MUC5B: variants seen among roughly 807,000 people sequenced by gnomAD.
MUC5B encodes mucin 5B, oligomeric mucus/gel-forming.
Under a neutral mutation model 376.9 loss-of-function variants are expected in MUC5B, and 116 were observed. That is an observed-to-expected ratio of 0.31 (90% CI 0.26 to 0.36). The LOEUF is 0.36. MUC5B is among the 10% of genes least tolerant of loss of function. The probability of loss-of-function intolerance (pLI) is 1.00; values close to 1 mark genes in which losing one functional copy is unlikely to be tolerated. For synonymous variants in MUC5B, 3,517 were observed against 3,390.9 expected (o/e 1.04, Z -1.29); for missense variants, 7,165 against 7,769.9 (o/e 0.92, Z 2.93).
Position 1,258,432 on chromosome 11 carries a change from G to A in MUC5B, c.16593+65G>A. ...GAACATGTGTGTGGGATGCCCCGGGGCTCTCTGAGCCCCACTCCTTGTCTT... is the reference window on the plus strand; with the variant it reads ...GAACATGTGTGTGGGATGCCCCGGGACTCTCTGAGCCCCACTCCTTGTCTT... On this transcript the variant is annotated intron_variant, in intron 43 of 48. Transcript: ENST00000529681. The surrounding 1 kb of genome is among the most constrained non-coding windows in gnomAD (Gnocchi z 5.5). 1 of 1,568,874 alleles carries A rather than the reference G, an allele frequency of 6.4e-7. No homozygotes were observed. The highest frequency in any genetic ancestry group is 8.7e-7 in the Non-Finnish European group (1 of 1,151,670).
rs754759692 is a variant in MUC5B at position 1,250,312 on chromosome 11, A to T, written c.13432A>T (p.Thr4478Ser). 2.1e-5 allele frequency: 34 copies of T among 1,611,466 alleles called. No individual in the cohort carries two copies. The highest frequency in any genetic ancestry group is 2.8e-5 in the Non-Finnish European group (33 of 1,178,932). ...CTCCTCCACCCAGGCAACTGCTGGC[A>T]CCCCACATGTGAGCACCACGGCCAC... ...TASSTQATAG[T>S]PHVSTTATTP... is the part of the protein sequence containing the mutation. The change falls in exon 31 of 49, where the codon ACC becomes TCC. Residue 4478 changes from threonine to serine, a missense_variant. Physicochemically the swap from Thr to Ser is moderately conservative, Grantham distance 58. Coordinates refer to ENST00000529681, the MANE Select transcript of MUC5B (RefSeq NM_002458.3).
At position 1,253,110 on chromosome 11, in the gene MUC5B, G is replaced by A. The variant is rs1190161514; in HGVS notation, c.15217+130G>A. 6.9e-6 allele frequency: 7 copies of A among 1,015,118 alleles called. No individual in the cohort carries two copies. The highest frequency in any genetic ancestry group is 6.1e-5 in the South Asian group (4 of 65,814). The allele number at this position is 1,015,118 out of a possible 1,614,324, so 62.9% of individuals were successfully genotyped here. On this transcript the variant is annotated intron_variant, in intron 33 of 48. Coordinates refer to ENST00000529681, the MANE Select transcript of MUC5B (RefSeq NM_002458.3). The surrounding 1 kb of genome is among the most constrained non-coding windows in gnomAD (Gnocchi z 4.3). ...GTGGGGAATGGTGGGGCATGGTGGG[G>A]CATGGTGGGGTGCAGTGGGGCATGG...
chr11:1,230,356 G>A, intron 11 of MUC5B, 134 bp from the exon 12 acceptor site: 1 of 1,092,736 alleles, frequency 9.2e-7, no homozygotes. Context: ...CAAGCTGCTG[G>A]GAGGTGACCA....
In MUC5B at chr11:1,242,687, C is replaced by A; in HGVS notation, c.5807C>A (p.Pro1936His). 1 of 1,613,746 alleles carries A rather than the reference C, an allele frequency of 6.2e-7. No individual in the cohort carries two copies. Among genetic ancestry groups the A allele is most frequent in the Non-Finnish European group, 8.5e-7 (1 of 1,179,782 alleles). The change falls in exon 31 of 49, where the codon CCC becomes CAC. Residue 1936 changes from proline (P) to histidine (H), a missense_variant. Transcript: ENST00000529681. ...PTSTLRTAPP[P>H]KVLTTTATTP... ...TCCACCCTGAGAACAGCTCCCCCTCCCAAAGTGCTGACCACCACGGCCACC... is the reference window on the plus strand; with the variant it reads ...TCCACCCTGAGAACAGCTCCCCCTCACAAAGTGCTGACCACCACGGCCACC...
Position 1,238,996 on chromosome 11 carries a change from G to T in MUC5B, c.3423G>T (p.Leu1141=). The T allele has an allele frequency of 6.4e-7, 1 of 1,573,662 alleles. No individual in the cohort carries two copies. Residue 1141 remains leucine (L), a synonymous_variant, in exon 26 of 49, where the codon CTG becomes CTT. Transcript: ENST00000529681. ...CCCAGGCCTGCCACGACGCGGGCCT[G>T]TGTGTGTCCTGGCGGACTCCGGACA... ...AYAQACHDAG[L]CVSWRTPDTC... is the part of the protein sequence containing the mutation.
chr11:1,236,362 C>A lies in MUC5B; in HGVS notation c.2881-24C>A, dbSNP rs775518212. 4 of 1,588,782 alleles carry A rather than the reference C, an allele frequency of 2.5e-6. No homozygotes were observed. In the South Asian group the frequency reaches 4.5e-5, roughly 18 times the overall value. ...CCCTGGGGGCCACAGGGTCGGCTTCCGGCAGCGTCTGCCTCCCCTGCAGAG... is the reference window on the plus strand; with the variant it reads ...CCCTGGGGGCCACAGGGTCGGCTTCAGGCAGCGTCTGCCTCCCCTGCAGAG... On this transcript the variant is annotated intron_variant, in intron 23 of 48. Coordinates refer to ENST00000529681, the MANE Select transcript of MUC5B (RefSeq NM_002458.3).
At chr11:1,254,454 G>C in intron 34 of MUC5B, 103 bp downstream of exon 34, 1 of 1,489,268 alleles carries the variant, frequency 6.7e-7, no homozygotes, top group Non-Finnish European at 9.0e-7. Context: ...CGATGGCCCA[G>C]TGCCCAAGAC....
intron 22 of MUC5B, 36 bp downstream of exon 22, chr11:1,235,259 C>G (rs751359234): frequency 9.9e-6 from 16 of 1,610,740 alleles, no homozygotes; most frequent in Non-Finnish European, 1.1e-5. Context: ...GCAGGCCGGG[C>G]ACACTCCAGC....
In MUC5B at chr11:1,252,900, A is replaced by G. The variant is rs369321121; in HGVS notation, c.15137A>G (p.Asn5046Ser). 278 of 1,612,472 alleles carry G rather than the reference A, an allele frequency of 1.7e-4. No individual in the cohort carries two copies. The highest frequency in any genetic ancestry group is 9.9e-4 in the Middle Eastern group (6 of 6,084). ...CTGCTGGACCCAAAGCCTGTGGCCAACGTCACCTGCGTGAACAAGCACCTG... is the reference window on the plus strand; with the variant it reads ...CTGCTGGACCCAAAGCCTGTGGCCAGCGTCACCTGCGTGAACAAGCACCTG... ...VVLLDPKPVA[N>S]VTCVNKHLPI... is the part of the protein sequence containing the mutation. The change falls in exon 33 of 49, where the codon AAC (asparagine) becomes AGC (serine). Residue 5046 changes from asparagine (N) to serine (S), a missense_variant. Physicochemically the swap from Asn to Ser is conservative, Grantham distance 46. This residue lies in a region of MUC5B where 842 missense variants were observed against 1,016.9 expected (regional missense o/e 0.83). Transcript: ENST00000529681.
chr11:1,260,807 T>A, intron 48 of MUC5B, 79 bp downstream of exon 48: 7 of 1,096,798 alleles, frequency 6.4e-6, no homozygotes, highest in Non-Finnish European at 9.4e-6. Context: ...GCTGGCAGCC[T>A]GCTCTGGGTC....
In MUC5B at chr11:1,261,769, A is replaced by G. The variant is rs765822333; in HGVS notation, c.*161A>G. 8 of 765,376 alleles carry G rather than the reference A, an allele frequency of 1.0e-5. No individual in the cohort carries two copies. The highest frequency in any genetic ancestry group is 1.8e-5 in the Non-Finnish European group (8 of 444,002). 47.4% of individuals were successfully genotyped at this position (765,376 alleles called of 1,614,324 possible). On this transcript the variant is annotated 3_prime_UTR_variant, in exon 49 of 49. Transcript: ENST00000529681. ...CCACCCCGTGGGTGAAACCGGCCCC[A>G]GAAGGGTGAGGGGCCAGCAGGACCC...
rs542300020 is a variant in MUC5B at position 1,229,550 on chromosome 11, C to A, written c.1103-140C>A. The A allele has an allele frequency of 6.6e-5, 55 of 832,330 alleles. No homozygotes were observed. In the African/African-American group the frequency reaches 8.0e-4, roughly 12 times the overall value. 51.6% of individuals were successfully genotyped at this position (832,330 alleles called of 1,614,324 possible). On this transcript the variant is annotated intron_variant, in intron 9 of 48. Transcript: ENST00000529681. ...CAGAGGTGCTTGGTGTTCATCCAAG[C>A]GAGTGCAGCTCAGGGCGGGGGCGGT... is the stretch of plus-strand genomic sequence containing the variant.
chr11:1,225,684 C>T lies in MUC5B; in HGVS notation c.74C>T (p.Thr25Ile), dbSNP rs1371213790. Residue 25 changes from threonine (T) to isoleucine (I), a missense_variant, in exon 2 of 49, where the codon ACC becomes ATC. Thr to Ile is a moderately conservative substitution (Grantham distance 89). Coordinates refer to ENST00000529681, the MANE Select transcript of MUC5B (RefSeq NM_002458.3). ...AAMLVVPQAETQGPVEPSWEN... is the reference protein window; with the variant it reads ...AAMLVVPQAEIQGPVEPSWEN... ...CTCCCATTCCCTCTTCCCACAGAGA[C>T]CCAGGGCCCTGTGGAGCCGAGCTGG... The T allele has an allele frequency of 2.5e-6, 4 of 1,602,168 alleles. No individual in the cohort carries two copies. The highest frequency in any genetic ancestry group is 8.5e-7 in the Non-Finnish European group (1 of 1,175,082).
intron 2 of MUC5B, among the ~76,000 whole-genome samples, 199 bp from the exon 3 acceptor site, chr11:1,226,006 A>G (rs1861871907): frequency 6.6e-6 from 1 of 152,256 alleles, no homozygotes; most frequent in African/African-American, 2.4e-5. Flanking sequence ...ACATGTGTGC[A>G]CACACAGGCC....
chr11:1,255,283 G>T lies in MUC5B; in HGVS notation c.15890+17G>T, dbSNP rs1401912422. The T allele has an allele frequency of 2.7e-6, 4 of 1,508,626 alleles. No individual in the cohort carries two copies. The South Asian group carries it at 5.1e-5, about 19-fold the overall frequency. 93.5% of individuals were successfully genotyped at this position (1,508,626 alleles called of 1,614,324 possible). On this transcript the variant is annotated intron_variant, in intron 36 of 48. Coordinates refer to ENST00000529681, the MANE Select transcript of MUC5B (RefSeq NM_002458.3). ...GCTGAGCCAGTGAGTCCTCCCCTCG[G>T]GGGTTGCAGGCCCTGGGGCGCCCCC...
rs371594853 is a variant in MUC5B, at chr11:1,248,302, C to T, written c.11422C>T (p.Arg3808Cys). Residue 3808 changes from arginine to cysteine, a missense_variant, in exon 31 of 49, where the codon CGC (arginine) becomes TGC (cysteine). Arg to Cys is a radical substitution (Grantham distance 180). This residue lies in a region of MUC5B where 72 missense variants were observed against 127.8 expected (regional missense o/e 0.56). Coordinates refer to ENST00000529681, the MANE Select transcript of MUC5B (RefSeq NM_002458.3). ...PSSSLGTTWT[R>C]LSQTTTPTAT... ...CTCCTCCCTGGGCACCACCTGGACCCGCCTATCACAGACCACCACACCCAC... is the reference window on the plus strand; with the variant it reads ...CTCCTCCCTGGGCACCACCTGGACCTGCCTATCACAGACCACCACACCCAC... The T allele has an allele frequency of 3.2e-5, 52 of 1,601,040 alleles. 2 individuals are homozygous for T. The highest frequency in any genetic ancestry group is 3.3e-4 in the Middle Eastern group (2 of 6,048).
chr11:1,252,487 C>T lies in MUC5B; in HGVS notation c.15008C>T (p.Pro5003Leu). 1.9e-6 allele frequency: 3 copies of T among 1,575,568 alleles called. No homozygotes were observed. Among genetic ancestry groups the T allele is most frequent in the Non-Finnish European group, 2.6e-6 (3 of 1,162,330 alleles). The change falls in exon 32 of 49, where the codon CCT becomes CTT. Residue 5003 changes from proline to leucine, a missense_variant. Pro to Leu is a moderately conservative substitution (Grantham distance 98). This residue lies in a region of MUC5B where 730 missense variants were observed against 592.7 expected (regional missense o/e 1.23). Coordinates refer to ENST00000529681, the MANE Select transcript of MUC5B (RefSeq NM_002458.3). ...VSSAPLSSPS[P>L]APGCDNAIPL... ...TCCGCCCCGCTGTCCTCGCCCTCCC[C>T]TGCCCCTGGCTGTGACAATGCCATC...
rs191219305 is a variant in MUC5B at position 1,248,478 on chromosome 11, G to A, written c.11598G>A (p.Pro3866=). Reference sequence around the variant, plus strand: ...GAACAGCTCACACTACCAAAGTGCCGACTACCACAACCACGGGCTTCACAG... The same window carrying A: ...GAACAGCTCACACTACCAAAGTGCCAACTACCACAACCACGGGCTTCACAG... ...TPGTAHTTKV[P]TTTTTGFTVT... is the part of the protein sequence containing the mutation. The change falls in exon 31 of 49, where the codon CCG becomes CCA. Residue 3866 remains proline, a synonymous_variant. Transcript: ENST00000529681. 2.5e-3 allele frequency: 4,003 copies of A among 1,610,132 alleles called. 94 individuals carry two copies. In the African/African-American group the frequency reaches 0.044, roughly 18 times the overall value.
chr11:1,246,679 C>G lies in MUC5B; in HGVS notation c.9799C>G (p.Pro3267Ala). ...TPTATMSTAT[P>A]SSTPETVHTS... is the part of the protein sequence containing the mutation. Reference sequence around the variant, plus strand: ...CACGGCCACCATGTCCACAGCCACACCCTCCTCTACTCCAGAGACTGTCCA... The same window carrying G: ...CACGGCCACCATGTCCACAGCCACAGCCTCCTCTACTCCAGAGACTGTCCA... Residue 3267 changes from proline (P) to alanine (A), a missense_variant, in exon 31 of 49, where the codon CCC becomes GCC. Around this residue, in one of 31 missense-constraint regions of MUC5B, gnomAD observed 939 missense variants for 770.6 expected, o/e 1.22. Transcript: ENST00000529681. 6.2e-7 allele frequency: 1 copy of G among 1,610,060 alleles called. No individual in the cohort carries two copies. Among genetic ancestry groups the G allele is most frequent in the South Asian group, 1.1e-5 (1 of 90,966 alleles).
Sources: gnomAD v4.1 joint callset for allele counts (sites outside exome capture counted in the v4.1 genomes callset) on GRCh38, gnomAD v4.1.1 for gene constraint, gnomAD v4.1.1 regional missense constraint, Gnocchi (gnomAD v3.1) non-coding constraint, MANE v1.5 for transcripts, NCBI Gene and HGNC (gene_info 2026-07-23, HGNC 2026-07-21) for gene names.